SLCO1A2: variants seen among roughly 807,000 people sequenced by gnomAD.
SLCO1A2 encodes OATP-1.
SLCO1A2 carries 67 observed loss-of-function variants against 69.0 expected under a neutral mutation model. The ratio of observed to expected loss-of-function variants is 0.97; its 90% confidence interval spans 0.80 to 1.19. The LOEUF is 1.19. Ranked by LOEUF, SLCO1A2 falls within the 50% of genes most tolerant of loss-of-function variation. The pLI is 0.00. For synonymous variants in SLCO1A2, 260 were observed against 265.9 expected, an observed-to-expected ratio of 0.98 and a Z score of 0.22; for missense variants, 787 against 793.7, an observed-to-expected ratio of 0.99 and a Z score of 0.10.
chr12:21,413,702 C>T (rs1360060438), intron 1 of SLCO1A2, among the ~76,000 whole-genome samples: 1 of 152,132 alleles, frequency 6.6e-6, no homozygotes, highest in African/African-American at 2.4e-5. Context: ...AGGAGCCTCG[C>T]ATAGCCTTCT....
At chr12:21,297,332 T>G (rs2030622843) in intron 9 of SLCO1A2, 72 bp downstream of exon 9, 1 of 1,147,494 alleles carries the variant, frequency 8.7e-7, no homozygotes, top group South Asian at 2.5e-5. Flanking sequence ...AACTTAGGAG[T>G]TTGCTACACC....
rs145499379 is a variant in SLCO1A2, at chr12:21,312,601, A to G, written c.335+1948T>C. The stretch of plus-strand genomic sequence containing the variant: ...TCTAGCTTTTGATTTAAAGTGAGAA[A>G]TGTGCAACTCTTTCTTTCACTTCAA... On this transcript the variant is annotated intron_variant, in intron 4 of 14. Coordinates refer to ENST00000683939, the MANE Select transcript of SLCO1A2 (RefSeq NM_001386879.1). Among the ~76,000 whole-genome samples the G allele has an allele frequency of 5.6e-3, 859 of 152,256 alleles. 7 individuals carry two copies. Among genetic ancestry groups the G allele is most frequent in the African/African-American group, 0.02 (821 of 41,562 alleles).
upstream of SLCO1A2, among the ~76,000 whole-genome samples, chr12:21,398,654 G>A: frequency 6.6e-6 from 1 of 151,678 alleles, no homozygotes; most frequent in Non-Finnish European, 1.5e-5. Context: ...GAATCCAGCA[G>A]CACATCAAAA....
chr12:21,400,999 C>T (rs1392247597), intron 1 of SLCO1A2, among the ~76,000 whole-genome samples: 1 of 148,950 alleles, frequency 6.7e-6, no homozygotes, highest in Non-Finnish European at 1.5e-5. Context: ...GCACAATGTG[C>T]ACATGTACCC....
intron 6 of SLCO1A2, among the ~76,000 whole-genome samples, chr12:21,302,615 A>G (rs1948854682): frequency 6.6e-6 from 1 of 150,666 alleles, no homozygotes. Flanking sequence ...GCTCACTGCA[A>G]CCTCCACCTC....
Position 21,274,583 on chromosome 12 carries a change from C to G in SLCO1A2, c.1679G>C (p.Gly560Ala). Residue 560 changes from glycine (G) to alanine (A), a missense_variant, in exon 14 of 15, where the codon GGC becomes GCC. Gly to Ala is a moderately conservative substitution (Grantham distance 60). Transcript: ENST00000683939. The stretch of plus-strand genomic sequence containing the variant: ...GCCAAAATATATAGGTGCAGGAATG[C>G]CAGCTACAATTGACAGGGAAAGAAA... ...LHTFCTRVFA[G>A]IPAPIYFGAL... The G allele has an allele frequency of 6.3e-7, 1 of 1,585,576 alleles. No homozygotes were observed. Among genetic ancestry groups the G allele is most frequent in the African/African-American group, 1.3e-5 (1 of 74,404 alleles).
chr12:21,272,497 G>A (rs1214815217), intron 14 of SLCO1A2, among the ~76,000 whole-genome samples: 1 of 151,616 alleles, frequency 6.6e-6, no homozygotes, highest in African/African-American at 2.4e-5. Context: ...TATTTTTATA[G>A]TGTTTTCCTT....
intron 1 of SLCO1A2, among the ~76,000 whole-genome samples, chr12:21,413,608 G>A (rs573099769): frequency 2.2e-4 from 34 of 152,110 alleles, no homozygotes; most frequent in Non-Finnish European, 4.3e-4. Context: ...AATTTCCACA[G>A]AGCTGCCTTA....
At chr12:21,419,183 A>C (rs1357891894), upstream of SLCO1A2, 1 of 152,758 alleles carries the variant, frequency 6.5e-6, no homozygotes, top group Non-Finnish European at 1.5e-5. Flanking sequence ...TTACTTGGAC[A>C]GGAAATTTTT....
intron 1 of SLCO1A2, among the ~76,000 whole-genome samples, chr12:21,393,610 C>G (rs1941270596): frequency 6.6e-6 from 1 of 152,078 alleles, no homozygotes; most frequent in South Asian, 2.1e-4. Context: ...ATAGACAATG[C>G]CCAATTTAAT....
intron 1 of SLCO1A2, chr12:21,378,733 C>T (rs569574312): frequency 3.8e-6 from 1 of 262,418 alleles, no homozygotes; most frequent in African/African-American, 2.2e-5. Context: ...GTAGTTTGAA[C>T]CTTGGTAAAT....
At chr12:21,318,946 C>T (rs371002049) in intron 2 of SLCO1A2, 23 bp from the exon 3 acceptor site, 62 of 1,554,018 alleles carry the variant, frequency 4.0e-5, no homozygotes, top group African/African-American at 5.6e-5. Context: ...TATAAGAAAA[C>T]GTAGAAAAAA....
intron 4 of SLCO1A2, among the ~76,000 whole-genome samples, chr12:21,308,724 G>T (rs2136572694): frequency 6.6e-6 from 1 of 152,296 alleles, no homozygotes; most frequent in South Asian, 2.1e-4. Flanking sequence ...TCCTGTCTAG[G>T]ATAACAGGTT....
In SLCO1A2 at chr12:21,393,597, G is replaced by T. The variant is rs548273379; in HGVS notation, c.-190+1309C>A. ...TGCTCAGCTTATCAAAGAAAATTCT[G>T]CAATAGACAATGCCCAATTTAATTT... is the stretch of plus-strand genomic sequence containing the variant. On this transcript the variant is annotated intron_variant, in intron 1 of 15. Transcript: ENST00000307378. Among the ~76,000 whole-genome samples the T allele has an allele frequency of 5.5e-4, 84 of 152,208 alleles. 1 individual carries two copies. The East Asian group carries it at 0.014, about 26-fold the overall frequency.
intron 1 of SLCO1A2, chr12:21,403,479 T>C (rs1286374120): frequency 6.6e-6 from 1 of 152,150 alleles, no homozygotes; most frequent in African/African-American, 2.4e-5. Context: ...CAACAGATTT[T>C]TTAAAAAATT....
chr12:21,312,065 A>G (rs368368852), intron 4 of SLCO1A2, among the ~76,000 whole-genome samples: 4 of 132,094 alleles, frequency 3.0e-5, no homozygotes, highest in Admixed American at 7.0e-5. Context: ...GAGAAGAAGA[A>G]GAGGAAGAAG....
At chr12:21,410,935 T>C (rs561007750) in intron 1 of SLCO1A2, among the ~76,000 whole-genome samples, 1 of 152,336 alleles carries the variant, frequency 6.6e-6, no homozygotes, top group South Asian at 2.1e-4. Context: ...GGGTTATTTG[T>C]CCTCTTTTTA....
At chr12:21,292,103 A>G in intron 12 of SLCO1A2, 61 bp downstream of exon 12, 2 of 1,247,372 alleles carry the variant, frequency 1.6e-6, no homozygotes, top group Non-Finnish European at 2.2e-6. Flanking sequence ...TGACTTTCTT[A>G]GAACAAGCTA....
rs147688664 is a variant in SLCO1A2 at position 21,319,489 on chromosome 12, T to C, written c.61-566A>G. On this transcript the variant is annotated intron_variant, in intron 2 of 14. Coordinates refer to ENST00000683939, the MANE Select transcript of SLCO1A2 (RefSeq NM_001386879.1). ...CTGAGTTATGTCCTCATTCTTCCCA[T>C]AGTAGGATGCTCTGCAACCCTTGAG... 1.1e-4 allele frequency: 153 copies of C among 1,360,556 alleles called. 1 individual carries two copies. In the East Asian group the frequency reaches 1.8e-3, roughly 16 times the overall value. 84.3% of individuals were successfully genotyped at this position (1,360,556 alleles called of 1,614,324 possible). A position where few individuals can be genotyped will look rare whatever the true frequency, so the allele number is the denominator to read the frequency against.
Sources: gnomAD v4.1 joint callset for allele counts (sites outside exome capture counted in the v4.1 genomes callset) on GRCh38, gnomAD v4.1.1 for gene constraint, MANE v1.5 for transcripts, NCBI Gene and HGNC (gene_info 2026-07-23, HGNC 2026-07-21) for gene names.